The following DNAJC16 variants were observed in gnomAD, a reference collection of about 807,000 sequenced individuals.
DNAJC16 encodes dnaJ homolog subfamily C member 16.
In DNAJC16, 76 loss-of-function variants were observed where a neutral mutation model predicts 92.7. That is an observed-to-expected ratio of 0.82 (90% CI 0.68 to 0.99). The LOEUF (loss-of-function observed/expected upper bound fraction) is 0.99, where lower values mean the gene tolerates loss of function less well. DNAJC16 is among the 50% of genes least tolerant of loss of function. The pLI is 0.00. For synonymous variants in DNAJC16, 328 were observed against 358.7 expected, an observed-to-expected ratio of 0.91 and a Z score of 0.97; for missense variants, 869 against 942.4, an observed-to-expected ratio of 0.92 and a Z score of 1.02.
intron 6 of DNAJC16, among the ~76,000 whole-genome samples, chr1:15,547,979 C>T (rs563184379): frequency 2.0e-5 from 3 of 152,252 alleles, no homozygotes; most frequent in African/African-American, 4.8e-5. Context: ...TACCTAATTA[C>T]GGTACAGGTA....
chr1:15,538,930 G>A lies in DNAJC16; in HGVS notation c.574+2116G>A, dbSNP rs1250209160. On this transcript the variant is annotated intron_variant, in intron 4 of 14. Transcript: ENST00000375847. ...TTGTATTTAGCCACATTCGAGTGGC[G>A]TGTTCTTCCAGTTGGCTCTGTGCCA... Among the ~76,000 whole-genome samples the A allele has an allele frequency of 2.0e-5, 3 of 152,276 alleles. No individual in the cohort carries two copies. The East Asian group carries it at 5.8e-4, about 29-fold the overall frequency.
At chr1:15,541,788 G>A (rs565752153) in intron 4 of DNAJC16, among the ~76,000 whole-genome samples, 33 of 152,248 alleles carry the variant, frequency 2.2e-4, no homozygotes, top group African/African-American at 7.9e-4. Flanking sequence ...CTTTAATATT[G>A]TGCTTTATAA....
intron 2 of DNAJC16, 69 bp from the exon 3 acceptor site, chr1:15,534,168 A>C (rs1710725403): frequency 6.5e-7 from 1 of 1,545,724 alleles, no homozygotes; most frequent in Non-Finnish European, 8.9e-7. Context: ...AACTCTGTGG[A>C]CAAGGACATT....
intron 6 of DNAJC16, among the ~76,000 whole-genome samples, chr1:15,547,947 A>G (rs551033857): frequency 3.3e-5 from 5 of 152,164 alleles, no homozygotes; most frequent in Non-Finnish European, 7.3e-5. Flanking sequence ...AGGTGTTATC[A>G]GTGGCATGGT....
In DNAJC16 at chr1:15,566,009, C is replaced by T; in HGVS notation, c.1679+10C>T. 6.2e-7 allele frequency: 1 copy of T among 1,613,730 alleles called. No individual in the cohort carries two copies. The highest frequency in any genetic ancestry group is 1.6e-4 in the Middle Eastern group (1 of 6,062). On this transcript the variant is annotated intron_variant, in intron 12 of 14. Coordinates refer to ENST00000375847, the MANE Select transcript of DNAJC16 (RefSeq NM_015291.4). ...TCGTTCAGGCTTTCAGGTAAATGTC[C>T]TGTGGCTTCTCGGTGCACCACCATG...
chr1:15,553,453 C>T (rs1026263730), intron 7 of DNAJC16, among the ~76,000 whole-genome samples: 3 of 152,038 alleles, frequency 2.0e-5, no homozygotes, highest in African/African-American at 4.8e-5. Context: ...AGGCTGGTCT[C>T]GAACTCCTGA....
intron 5 of DNAJC16, among the ~76,000 whole-genome samples, chr1:15,545,350 T>A (rs1357621155): frequency 2.0e-5 from 3 of 152,214 alleles, no homozygotes; most frequent in African/African-American, 7.2e-5. Flanking sequence ...GGAGAAATAT[T>A]TGTTGGAATT....
At chr1:15,527,852 C>T (rs1316683787) in intron 1 of DNAJC16, among the ~76,000 whole-genome samples, 3 of 152,042 alleles carry the variant, frequency 2.0e-5, no homozygotes, top group Non-Finnish European at 2.9e-5. Context: ...ACTGTATTAA[C>T]TTGTGAGAAA....
At chr1:15,529,024 A>ACCTTTT in intron 1 of DNAJC16, 64 bp from the exon 2 acceptor site, 1 of 1,452,786 alleles carries the variant, frequency 6.9e-7, no homozygotes, top group South Asian at 1.3e-5. Flanking sequence ...TTATACCTTT[A>ACCTTTT]CCTAAAAAGC....
intron 2 of DNAJC16, among the ~76,000 whole-genome samples, chr1:15,531,585 T>C (rs1392326002): frequency 6.6e-6 from 1 of 152,242 alleles, no homozygotes; most frequent in African/African-American, 2.4e-5. Context: ...AGCTTGAGTA[T>C]GTGGGACCTA....
At chr1:15,548,062 A>G (rs1419903743) in intron 6 of DNAJC16, among the ~76,000 whole-genome samples, 2 of 152,176 alleles carry the variant, frequency 1.3e-5, no homozygotes, top group Admixed American at 6.5e-5. Flanking sequence ...TATGAAAAAG[A>G]AGAGAGTTGT....
chr1:15,533,800 A>G (rs1334814969), intron 2 of DNAJC16, among the ~76,000 whole-genome samples: 1 of 152,210 alleles, frequency 6.6e-6, no homozygotes, highest in Non-Finnish European at 1.5e-5. Context: ...TCTCATGTCT[A>G]CCTGTGTTAT....
At chr1:15,551,720 CCTT>C (rs888902069) in intron 7 of DNAJC16, among the ~76,000 whole-genome samples, 13 of 151,758 alleles carry the variant, frequency 8.6e-5, no homozygotes, top group Admixed American at 1.3e-4. Flanking sequence ...CTCAAGTGAT[CCTT>C]CTGCCTCAGT....
At chr1:15,549,809 C>G (rs1570915839) in intron 7 of DNAJC16, among the ~76,000 whole-genome samples, 1 of 137,584 alleles carries the variant, frequency 7.3e-6, no homozygotes, top group South Asian at 2.3e-4. Context: ...CAGAGCAAGA[C>G]TCCGTCTCAA....
At position 15,564,017 on chromosome 1, in the gene DNAJC16, T is replaced by C. The variant is rs750151843; in HGVS notation, c.1427T>C (p.Phe476Ser). 6.2e-7 allele frequency: 1 copy of C among 1,613,682 alleles called. No homozygotes were observed. Among genetic ancestry groups the C allele is most frequent in the Non-Finnish European group, 8.5e-7 (1 of 1,179,676 alleles). Reference sequence around the variant, plus strand: ...TGGATTGGGAGTGAGAGTGACAAATTTATCCTCTTGGGCTATCTCGACCAG... The same window carrying C: ...TGGATTGGGAGTGAGAGTGACAAATCTATCCTCTTGGGCTATCTCGACCAG... ...DPWIGSESDKFILLGYLDQLR... is the reference protein window; with the variant it reads ...DPWIGSESDKSILLGYLDQLR... The change falls in exon 10 of 15, where the codon TTT becomes TCT. Residue 476 changes from phenylalanine to serine, a missense_variant. Transcript: ENST00000375847.
intron 7 of DNAJC16, among the ~76,000 whole-genome samples, chr1:15,551,203 G>T (rs1442085382): frequency 6.6e-6 from 1 of 152,138 alleles, no homozygotes; most frequent in Non-Finnish European, 1.5e-5. Flanking sequence ...AGTAAGAAGT[G>T]TTAATTTTAT....
intron 1 of DNAJC16, among the ~76,000 whole-genome samples, chr1:15,527,883 G>A (rs1298280165): frequency 6.6e-6 from 1 of 151,708 alleles, no homozygotes; most frequent in Non-Finnish European, 1.5e-5. Flanking sequence ...TGTGTTCCTT[G>A]AAAAAAAACA....
chr1:15,548,194 G>A, intron 6 of DNAJC16, 76 bp from the exon 7 acceptor site: 3 of 1,490,746 alleles, frequency 2.0e-6, no homozygotes, highest in Non-Finnish European at 2.8e-6. Flanking sequence ...TCAGTGATGT[G>A]AAAAAGCCCT....
intron 3 of DNAJC16, among the ~76,000 whole-genome samples, chr1:15,535,055 T>C (rs1315390120): frequency 6.6e-6 from 1 of 152,376 alleles, no homozygotes; most frequent in East Asian, 1.9e-4. Context: ...GTATAGGGAA[T>C]GCCCTTCAGC....
Sources: allele counts gnomAD v4.1 joint callset (sites outside exome capture counted in the v4.1 genomes callset), GRCh38; gene constraint gnomAD v4.1.1; transcripts MANE v1.5; gene names NCBI Gene and HGNC (gene_info 2026-07-23, HGNC 2026-07-21).